IARS2: variants seen among roughly 807,000 people sequenced by gnomAD.
IARS2 encodes isoleucyl-tRNA synthetase 2, mitochondrial.
IARS2 carries 56 observed loss-of-function variants against 126.3 expected under a neutral mutation model. The ratio of observed to expected loss-of-function variants is 0.44; its 90% CI spans 0.36 to 0.55. IARS2 has a LOEUF of 0.55. Among genes scored for constraint, IARS2 ranks in the 20% least tolerant of loss-of-function variants. IARS2 has a pLI of 0.00. For synonymous variants in IARS2, 407 were observed against 441.1 expected (o/e 0.92, Z 0.97); for missense variants, 1,127 against 1,245.9 (o/e 0.90, Z 1.44).
intron 10 of IARS2, among the ~76,000 whole-genome samples, chr1:220,109,507 A>G (rs1294889279): frequency 6.6e-6 from 1 of 152,182 alleles, no homozygotes; most frequent in African/African-American, 2.4e-5. Context: ...ATAATACAAA[A>G]ATTTAAAAAA....
chr1:220,145,484 G>C, intron 21 of IARS2, 25 bp from the exon 22 acceptor site: 2 of 1,582,340 alleles, frequency 1.3e-6, no homozygotes, highest in Non-Finnish European at 1.7e-6. Context: ...AACATAAACT[G>C]TAACTTTCAC....
chr1:220,136,732 T>A (rs1657385047), intron 15 of IARS2, 77 bp from the exon 16 acceptor site: 1 of 666,370 alleles, frequency 1.5e-6, no homozygotes, highest in Admixed American at 3.1e-5. Flanking sequence ...TTAGATACTC[T>A]TTTTAAGCTG....
intron 19 of IARS2, among the ~76,000 whole-genome samples, chr1:220,141,566 C>A (rs758203398): frequency 5.3e-5 from 8 of 152,222 alleles, no homozygotes; most frequent in Non-Finnish European, 1.0e-4. Flanking sequence ...AGTCTAGACT[C>A]TAGTTGTCAT....
chr1:220,112,121 C>T (rs1254028695), intron 11 of IARS2, among the ~76,000 whole-genome samples: 1 of 123,536 alleles, frequency 8.1e-6, no homozygotes, highest in Non-Finnish European at 1.7e-5. Context: ...CTCCGACCAC[C>T]TACTTTTTTT....
At position 220,139,291 on chromosome 1, in the gene IARS2, G is replaced by T. The variant is rs142485308; in HGVS notation, c.2307+152G>T. ...TATGTCCAGACTTCCCCTCGGACCAGATTTTTCTCTCATGATTAGCTCTAT... is the reference window on the plus strand; with the variant it reads ...TATGTCCAGACTTCCCCTCGGACCATATTTTTCTCTCATGATTAGCTCTAT... On this transcript the variant is annotated intron_variant, in intron 18 of 22. Transcript: ENST00000366922. 843 of 511,756 alleles carry T rather than the reference G, an allele frequency of 1.6e-3. 13 individuals are homozygous for T. Among genetic ancestry groups the T allele is most frequent in the African/African-American group, 0.015 (740 of 50,934 alleles). The allele number at this position is 511,756 out of a possible 1,614,324, so 31.7% of individuals were successfully genotyped here.
At chr1:220,103,341 C>G in intron 7 of IARS2, 106 bp from the exon 8 acceptor site, 1 of 699,912 alleles carries the variant, frequency 1.4e-6, no homozygotes. Flanking sequence ...AGCCACCGCG[C>G]TGGCCTGAAG....
intron 12 of IARS2, among the ~76,000 whole-genome samples, chr1:220,120,988 G>C (rs926134973): frequency 9.2e-5 from 14 of 152,158 alleles, no homozygotes; most frequent in African/African-American, 2.9e-4. Context: ...ATATTAGTGA[G>C]ACTTGCTCTC....
chr1:220,118,633 A>G (rs1656976171), intron 12 of IARS2, among the ~76,000 whole-genome samples: 2 of 152,142 alleles, frequency 1.3e-5, no homozygotes, highest in African/African-American at 4.8e-5. Context: ...TTCTTTCATC[A>G]TTTCAAACAG....
At chr1:220,135,087 A>G (rs916611636) in intron 15 of IARS2, among the ~76,000 whole-genome samples, 6 of 151,928 alleles carry the variant, frequency 3.9e-5, no homozygotes, top group African/African-American at 7.3e-5. Flanking sequence ...ATCTTGATCT[A>G]TGGTAAAACT....
At chr1:220,098,329 T>C (rs1440853316) in intron 2 of IARS2, among the ~76,000 whole-genome samples, 1 of 152,216 alleles carries the variant, frequency 6.6e-6, no homozygotes, top group Admixed American at 6.5e-5. Context: ...TCTTGCTTGC[T>C]TTCTCCTCTT....
intron 12 of IARS2, among the ~76,000 whole-genome samples, chr1:220,115,963 G>T (rs1257760489): frequency 6.6e-6 from 1 of 152,176 alleles, no homozygotes; most frequent in Non-Finnish European, 1.5e-5. Context: ...GCTCATGCCT[G>T]TAATCCCAGC....
At chr1:220,125,750 C>A (rs1657141400) in intron 13 of IARS2, among the ~76,000 whole-genome samples, 1 of 150,898 alleles carries the variant, frequency 6.6e-6, no homozygotes, top group African/African-American at 2.4e-5. Flanking sequence ...TTGCAGCGAG[C>A]CAAGATTGCA....
chr1:220,119,217 A>AT (rs1455808913), intron 12 of IARS2, among the ~76,000 whole-genome samples: 2 of 152,106 alleles, frequency 1.3e-5, no homozygotes, highest in Admixed American at 6.5e-5. Flanking sequence ...TACCTAGTGG[A>AT]TTTTCACTGA....
intron 14 of IARS2, among the ~76,000 whole-genome samples, chr1:220,131,793 ATTTT>A (rs34917733): frequency 1.7e-5 from 2 of 120,586 alleles, no homozygotes; most frequent in African/African-American, 6.3e-5. Flanking sequence ...GCCACGTTGA[ATTTT>A]TTTTTTTTTT....
intron 12 of IARS2, among the ~76,000 whole-genome samples, chr1:220,123,735 C>T (rs1657097638): frequency 1.3e-5 from 2 of 152,192 alleles, no homozygotes; most frequent in Non-Finnish European, 2.9e-5. Flanking sequence ...CCTCAGCCTC[C>T]CAAAGTGCTG....
At chr1:220,137,151 T>C (rs981092088) in intron 16 of IARS2, among the ~76,000 whole-genome samples, 1 of 152,160 alleles carries the variant, frequency 6.6e-6, no homozygotes, top group African/African-American at 2.4e-5. Flanking sequence ...CTGAGAGCCT[T>C]TAAAATGTGT....
intron 3 of IARS2, 82 bp downstream of exon 3, chr1:220,100,731 C>A (rs1038836610): frequency 6.3e-6 from 7 of 1,114,054 alleles, no homozygotes; most frequent in Non-Finnish European, 7.6e-6. Context: ...ACCAAAGGAA[C>A]CTTTTGTTTG....
intron 12 of IARS2, among the ~76,000 whole-genome samples, chr1:220,123,194 A>G (rs1657084197): frequency 6.6e-6 from 1 of 151,988 alleles, no homozygotes; most frequent in Non-Finnish European, 1.5e-5. Context: ...TAAAATAGTA[A>G]TATGTAACTA....
At position 220,143,953 on chromosome 1, in the gene IARS2, C is replaced by T. The variant is rs1413983992; in HGVS notation, c.2751+819C>T. 1.8e-5 allele frequency: 23 copies of T among 1,290,654 alleles called. No homozygotes were observed. The Middle Eastern group carries it at 1.3e-3, about 74-fold the overall frequency. 80.0% of individuals were successfully genotyped at this position (1,290,654 alleles called of 1,614,324 possible). A position where few individuals can be genotyped will look rare whatever the true frequency, so the allele number is the denominator to read the frequency against. On this transcript the variant is annotated intron_variant, in intron 21 of 22. Transcript: ENST00000366922. ...ATTTTATTTGTAAATATATGTATTACATCCCTAGAAAAAGAATCCCAGGAT... is the reference window on the plus strand; with the variant it reads ...ATTTTATTTGTAAATATATGTATTATATCCCTAGAAAAAGAATCCCAGGAT...
Sources: allele counts gnomAD v4.1 joint callset (sites outside exome capture counted in the v4.1 genomes callset), GRCh38; gene constraint gnomAD v4.1.1; transcripts MANE v1.5; gene names NCBI Gene and HGNC (gene_info 2026-07-23, HGNC 2026-07-21).